Variants in GRID2 observed in about 807,000 individuals in gnomAD.
GRID2 encodes glutamate receptor ionotropic, delta-2.
Under a neutral mutation model 114.8 loss-of-function variants are expected in GRID2, and 33 were observed. That is an observed-to-expected ratio of 0.29 (90% CI 0.22 to 0.38). The LOEUF is 0.38. Among genes scored for constraint, GRID2 ranks in the 10% least tolerant of loss-of-function variants. The pLI is 1.00. For synonymous variants in GRID2, 505 were observed against 449.9 expected (o/e 1.12, Z -1.55); for missense variants, 1,184 against 1,257.7 (o/e 0.94, Z 0.89).
At chr4:93,670,488 G>T (rs192349409) in intron 14 of GRID2, among the ~76,000 whole-genome samples, 1 of 152,050 alleles carries the variant, frequency 6.6e-6, no homozygotes, top group Non-Finnish European at 1.5e-5. Context: ...TTTTAACTTG[G>T]ATTTATAAGC....
chr4:93,751,924 C>T (rs1390593371), intron 14 of GRID2, among the ~76,000 whole-genome samples: 2 of 151,884 alleles, frequency 1.3e-5, no homozygotes, highest in Non-Finnish European at 2.9e-5. Context: ...ATACTGCATG[C>T]TATGATTTTG....
At chr4:93,618,143 C>G (rs1263735487) in intron 13 of GRID2, among the ~76,000 whole-genome samples, 1 of 152,078 alleles carries the variant, frequency 6.6e-6, no homozygotes, top group South Asian at 2.1e-4. Context: ...TGAGCATTTC[C>G]GTCAATTCAT....
At chr4:92,542,756 C>T (rs914713467) in intron 1 of GRID2, among the ~76,000 whole-genome samples, 4 of 151,594 alleles carry the variant, frequency 2.6e-5, no homozygotes, top group African/African-American at 4.9e-5. Flanking sequence ...TAAACATAAC[C>T]TATTCCCCAA....
At chr4:93,605,792 A>G (rs1283927999) in intron 13 of GRID2, among the ~76,000 whole-genome samples, 2 of 152,220 alleles carry the variant, frequency 1.3e-5, no homozygotes, top group Non-Finnish European at 2.9e-5. Context: ...AACAAAGTCA[A>G]AAGAGGTAAG....
At chr4:92,758,095 A>G (rs1047130652) in intron 2 of GRID2, among the ~76,000 whole-genome samples, 8 of 152,068 alleles carry the variant, frequency 5.3e-5, no homozygotes, top group Admixed American at 1.3e-4. Context: ...AATAAGGAGA[A>G]CAGATTAAAC....
chr4:93,213,819 G>A (rs1438254072), intron 5 of GRID2, among the ~76,000 whole-genome samples: 1 of 151,742 alleles, frequency 6.6e-6, no homozygotes, highest in Non-Finnish European at 1.5e-5. Flanking sequence ...CTTCCTCGGG[G>A]CTTTCACAGT....
chr4:93,547,313 T>C (rs1733318991), intron 13 of GRID2, among the ~76,000 whole-genome samples: 1 of 152,188 alleles, frequency 6.6e-6, no homozygotes, highest in South Asian at 2.1e-4. Flanking sequence ...TCCTGAGGAC[T>C]GAAGTTTCTA....
intron 2 of GRID2, among the ~76,000 whole-genome samples, chr4:92,701,218 CTTT>C (rs1295090806): frequency 3.9e-5 from 6 of 152,024 alleles, no homozygotes; most frequent in Admixed American, 3.3e-4. Flanking sequence ...TACTTTTTAG[CTTT>C]GTGTCTAATG....
chr4:92,546,410 T>A (rs1241699993), intron 1 of GRID2, among the ~76,000 whole-genome samples: 1 of 152,178 alleles, frequency 6.6e-6, no homozygotes, highest in African/African-American at 2.4e-5. Context: ...CAACGGCCCA[T>A]AAAAAGAGTG....
At chr4:92,730,661 C>G (rs984548223) in intron 2 of GRID2, among the ~76,000 whole-genome samples, 3 of 151,786 alleles carry the variant, frequency 2.0e-5, no homozygotes, top group Non-Finnish European at 4.4e-5. Flanking sequence ...CTAAAACAAG[C>G]CCAAAGTAAT....
At chr4:92,549,600 G>A (rs540369190) in intron 1 of GRID2, among the ~76,000 whole-genome samples, 1 of 152,248 alleles carries the variant, frequency 6.6e-6, no homozygotes, top group Admixed American at 6.5e-5. Flanking sequence ...CTAAATCTTA[G>A]CCTGAGGCCT....
chr4:93,068,702 A>T (rs1378231466), intron 2 of GRID2, among the ~76,000 whole-genome samples: 1 of 151,818 alleles, frequency 6.6e-6, no homozygotes, highest in Non-Finnish European at 1.5e-5. Context: ...ACAAAAAAAA[A>T]AATTCAGTAA....
intron 2 of GRID2, among the ~76,000 whole-genome samples, chr4:92,671,764 G>A (rs1054191905): frequency 2.6e-5 from 4 of 152,124 alleles, no homozygotes; most frequent in Non-Finnish European, 4.4e-5. Flanking sequence ...CAAATAGGAA[G>A]ATAATATATT....
intron 1 of GRID2, among the ~76,000 whole-genome samples, chr4:92,563,305 C>T (rs1442323891): frequency 1.3e-5 from 2 of 152,024 alleles, no homozygotes; most frequent in Non-Finnish European, 2.9e-5. Context: ...AGCTCTTTTC[C>T]CCTCCACTAC....
chr4:92,923,828 G>A (rs185066787), intron 2 of GRID2, among the ~76,000 whole-genome samples: 43 of 152,142 alleles, frequency 2.8e-4, no homozygotes, highest in Non-Finnish European at 2.6e-4. Flanking sequence ...AACCATTGTG[G>A]AAGTCAGTGA....
intron 14 of GRID2, among the ~76,000 whole-genome samples, chr4:93,633,289 A>G (rs1158047458): frequency 6.6e-6 from 1 of 151,930 alleles, no homozygotes; most frequent in Non-Finnish European, 1.5e-5. Flanking sequence ...TAGAATATTT[A>G]GTGCTTTACT....
chr4:93,107,248 G>A (rs550320548), intron 3 of GRID2, among the ~76,000 whole-genome samples: 2 of 152,124 alleles, frequency 1.3e-5, no homozygotes, highest in African/African-American at 4.8e-5. Context: ...GCAATGAGCT[G>A]ATGTCATGCC....
At chr4:93,537,449 A>G (rs1732209857) in intron 13 of GRID2, among the ~76,000 whole-genome samples, 1 of 151,790 alleles carries the variant, frequency 6.6e-6, no homozygotes, top group South Asian at 2.1e-4. Context: ...AAACATGGTA[A>G]AAAGTGATAA....
At chr4:93,203,408 A>C (rs74905431) in intron 4 of GRID2, among the ~76,000 whole-genome samples, 1 of 152,138 alleles carries the variant, frequency 6.6e-6, no homozygotes. Context: ...AATTAAAAAG[A>C]CAAGACATAT....
Sources: allele counts gnomAD v4.1 joint callset (sites outside exome capture counted in the v4.1 genomes callset), GRCh38; gene constraint gnomAD v4.1.1; transcripts MANE v1.5; gene names NCBI Gene and HGNC (gene_info 2026-07-23, HGNC 2026-07-21).